The following FES variants were observed in gnomAD, a reference collection of about 807,000 sequenced individuals.
FES encodes FES proto-oncogene, tyrosine kinase.
Under a neutral mutation model 109.6 loss-of-function variants are expected in FES, and 83 were observed. That is an observed-to-expected ratio of 0.76 (90% CI 0.63 to 0.91). The LOEUF (loss-of-function observed/expected upper bound fraction) is 0.91, where lower values mean the gene tolerates loss of function less well. Among genes scored for constraint, FES ranks in the 40% least tolerant of loss-of-function variants. FES has a pLI of 0.00. For missense variants in FES, 943 were observed against 1,070.9 expected (o/e 0.88, Z 1.67); for synonymous variants, 458 against 442.1 (o/e 1.04, Z -0.45).
chr15:90,889,145 T>G lies in FES; in HGVS notation c.669-161T>G. The G allele has an allele frequency of 6.1e-6, 5 of 817,706 alleles. No homozygotes were observed. Among genetic ancestry groups the G allele is most frequent in the Non-Finnish European group, 9.5e-6 (5 of 527,398 alleles). The allele number at this position is 817,706 out of a possible 1,614,324, so 50.7% of individuals were successfully genotyped here. A position where few individuals can be genotyped will look rare whatever the true frequency, so the allele number is the denominator to read the frequency against. ...CTTATATATATCAGGAAATAGAAGA[T>G]TAGGGAGAGGTTAAATAATTTGCCT... On this transcript the variant is annotated intron_variant, in intron 5 of 18. Coordinates refer to ENST00000328850, the MANE Select transcript of FES (RefSeq NM_002005.4). This position sits in a 1 kb window ranked among gnomAD's most constrained non-coding sequence, Gnocchi z 6.1.
At position 90,891,057 on chromosome 15, in the gene FES, C is replaced by G. The variant is rs774122108; in HGVS notation, c.1396C>G (p.Pro466Ala). Residue 466 changes from proline to alanine, a missense_variant, in exon 11 of 19, where the codon CCG becomes GCG. Pro to Ala is a conservative substitution (Grantham distance 27). Transcript: ENST00000328850. ...HEQLWYHGAI[P>A]RAEVAELLVH... Reference sequence around the variant, plus strand: ...GCAGCTGTGGTACCACGGGGCCATCCCGAGGGCAGAGGTGGCTGAGCTGCT... The same window carrying G: ...GCAGCTGTGGTACCACGGGGCCATCGCGAGGGCAGAGGTGGCTGAGCTGCT... 1 of 1,598,934 alleles carries G rather than the reference C, an allele frequency of 6.3e-7. No homozygotes were observed. The highest frequency in any genetic ancestry group is 2.3e-5 in the East Asian group (1 of 44,444).
Position 90,885,093 on chromosome 15 carries a change from G to A in FES, c.48G>A (p.Leu16=), listed in dbSNP as rs1337090511. ...GCAGCCCCCAGGGCCACGGGGTCCT[G>A]CAGCAAATGCAGGAGGCCGAGCTTC... ...ELCSPQGHGV[L]QQMQEAELRL... The change falls in exon 2 of 19, where the codon CTG becomes CTA. Residue 16 remains leucine, a synonymous_variant. Transcript: ENST00000328850. The A allele has an allele frequency of 1.2e-6, 2 of 1,613,606 alleles. No individual in the cohort carries two copies. Among genetic ancestry groups the A allele is most frequent in the Non-Finnish European group, 1.7e-6 (2 of 1,180,008 alleles).
intron 16 of FES, 43 bp from the exon 17 acceptor site, chr15:90,893,611 A>T: frequency 6.5e-7 from 1 of 1,532,212 alleles, no homozygotes; most frequent in Non-Finnish European, 8.8e-7. Flanking sequence ...AGGGCTGGGC[A>T]GGCGACTGTT....
At position 90,889,269 on chromosome 15, in the gene FES, G is replaced by A. The variant is rs558527092; in HGVS notation, c.669-37G>A. On this transcript the variant is annotated intron_variant, in intron 5 of 18. Transcript: ENST00000328850. The surrounding 1 kb of genome is among the most constrained non-coding windows in gnomAD (Gnocchi z 6.1). ...TGAACTGCCCAGCCTTGCCCAGCCT[G>A]AGGCTCCCCTGACTGGGGATCCCGT... The A allele has an allele frequency of 6.2e-7, 1 of 1,609,616 alleles. No homozygotes were observed. The highest frequency in any genetic ancestry group is 8.5e-7 in the Non-Finnish European group (1 of 1,178,360).
At chr15:90,885,351 C>G (rs776516412) in intron 2 of FES, 61 bp from the exon 3 acceptor site, 3 of 1,595,598 alleles carry the variant, frequency 1.9e-6, no homozygotes, top group African/African-American at 2.7e-5. Context: ...GGAGATCTGG[C>G]AGGCCAATGC....
At chr15:90,890,510 C>T (rs760090969) in intron 10 of FES, 26 bp downstream of exon 10, 3 of 1,598,382 alleles carry the variant, frequency 1.9e-6, no homozygotes, top group East Asian at 2.2e-5. Flanking sequence ...CCTGGGCCCC[C>T]CTACTGTTGT....
At position 90,895,632 on chromosome 15, in the gene FES, G is replaced by A; in HGVS notation, c.*74G>A. On this transcript the variant is annotated 3_prime_UTR_variant, in exon 19 of 19. Coordinates refer to ENST00000328850, the MANE Select transcript of FES (RefSeq NM_002005.4). The stretch of plus-strand genomic sequence containing the variant: ...GCTCCTCAGCGGCTCCAGCTCATAT[G>A]CTGACAGCTCTTCACAGTCCTGGAC... 7.4e-7 allele frequency: 1 copy of A among 1,351,554 alleles called. No individual in the cohort carries two copies. Among genetic ancestry groups the A allele is most frequent in the Non-Finnish European group, 9.8e-7 (1 of 1,016,336 alleles). 83.7% of individuals were successfully genotyped at this position (1,351,554 alleles called of 1,614,324 possible). A position where few individuals can be genotyped will look rare whatever the true frequency, so the allele number is the denominator to read the frequency against.
chr15:90,893,004 G>A, intron 14 of FES, 96 bp from the exon 15 acceptor site: 1 of 1,442,814 alleles, frequency 6.9e-7, no homozygotes, highest in Non-Finnish European at 9.5e-7. Flanking sequence ...GTCCGGGTCT[G>A]CTGGCCTTGG....
At position 90,893,344 on chromosome 15, in the gene FES, ACT is replaced by A. The variant is rs2033410193; in HGVS notation, c.1978_1979del (p.Leu660AlafsTer41). ...RTEGARLRVK[T>X]LLQMVGDAAA... The stretch of plus-strand genomic sequence containing the variant: ...GGAGGGGGCCCGCCTGCGGGTGAAG[ACT>A]CTGCTGCAGATGGTGGGGGATGCAG... On this transcript the variant is annotated frameshift_variant, in exon 16 of 19. Coordinates refer to ENST00000328850, the MANE Select transcript of FES (RefSeq NM_002005.4). LOFTEE classifies it high-confidence loss of function. 5 of 1,574,278 alleles carry A rather than the reference ACT, an allele frequency of 3.2e-6. No individual in the cohort carries two copies. Among genetic ancestry groups the A allele is most frequent in the Middle Eastern group, 1.7e-4 (1 of 5,824 alleles).
chr15:90,893,755 C>T lies in FES; in HGVS notation c.2147C>T (p.Ser716Leu). ...REEADGVYAASGGLRQVPVKW... is the reference protein window; with the variant it reads ...REEADGVYAALGGLRQVPVKW... The stretch of plus-strand genomic sequence containing the variant: ...GAAGCCGATGGGGTCTATGCAGCCT[C>T]AGGGGGCCTCAGACAAGTCCCCGTG... Residue 716 changes from serine (S) to leucine (L), a missense_variant, in exon 17 of 19, where the codon TCA (serine) becomes TTA (leucine). Ser to Leu is a moderately radical substitution (Grantham distance 145). Coordinates refer to ENST00000328850, the MANE Select transcript of FES (RefSeq NM_002005.4). 6.2e-7 allele frequency: 1 copy of T among 1,609,410 alleles called. No homozygotes were observed. The highest frequency in any genetic ancestry group is 8.5e-7 in the Non-Finnish European group (1 of 1,177,726).
chr15:90,889,086 C>T lies in FES; in HGVS notation c.669-220C>T. The T allele has an allele frequency of 1.7e-6, 1 of 593,938 alleles. No individual in the cohort carries two copies. The allele number at this position is 593,938 out of a possible 1,614,324, so 36.8% of individuals were successfully genotyped here. A position where few individuals can be genotyped will look rare whatever the true frequency, so the allele number is the denominator to read the frequency against. On this transcript the variant is annotated intron_variant, in intron 5 of 18. Coordinates refer to ENST00000328850, the MANE Select transcript of FES (RefSeq NM_002005.4). The surrounding 1 kb of genome is among the most constrained non-coding windows in gnomAD (Gnocchi z 6.1). ...ATAGGCGTGAGCCACTGTGCCTGGC[C>T]CACTGGATCCTTATTACAACTGCCA... is the stretch of plus-strand genomic sequence containing the variant.
intron 18 of FES, 77 bp downstream of exon 18, chr15:90,894,135 TA>T (rs2151272232): frequency 1.3e-6 from 2 of 1,515,834 alleles, no homozygotes; most frequent in Non-Finnish European, 1.8e-6. Context: ...CTAACTCCCT[TA>T]ATGCCAACCT....
chr15:90,895,338 C>T, intron 18 of FES, 78 bp from the exon 19 acceptor site: 2 of 1,290,918 alleles, frequency 1.5e-6, no homozygotes, highest in Non-Finnish European at 2.1e-6. Flanking sequence ...GCTCCTATGG[C>T]TCATGGTATC....
rs2033351533 is a variant in FES, at chr15:90,892,797, C to G, written c.1798C>G (p.Leu600Val). ...KSCRETLPPD[L>V]KAKFLQEARI... ...TTGTCGAGAGACGCTCCCACCTGAC[C>G]TCAAGGCCAAGTTTCTACAGGAAGC... Residue 600 changes from leucine (L) to valine (V), a missense_variant, in exon 14 of 19, where the codon CTC becomes GTC. Transcript: ENST00000328850. The G allele has an allele frequency of 6.2e-7, 1 of 1,613,800 alleles. No individual in the cohort carries two copies. The highest frequency in any genetic ancestry group is 8.5e-7 in the Non-Finnish European group (1 of 1,179,934).
chr15:90,885,672 ACT>A, intron 3 of FES, 87 bp downstream of exon 3: 1 of 1,507,520 alleles, frequency 6.6e-7, no homozygotes, highest in Non-Finnish European at 8.8e-7. Context: ...CCCTGGATTC[ACT>A]GGGGAAGTGT....
In FES at chr15:90,889,196, A is replaced by C; in HGVS notation, c.669-110A>C. 7.0e-7 allele frequency: 1 copy of C among 1,425,246 alleles called. No individual in the cohort carries two copies. The highest frequency in any genetic ancestry group is 9.5e-7 in the Non-Finnish European group (1 of 1,052,746). The allele number at this position is 1,425,246 out of a possible 1,614,324, so 88.3% of individuals were successfully genotyped here. ...AGAGTGGCATGGCTAGCTCGAAGTGAGGCAGGGGTCAACCCCAGCCCTGAC... is the reference window on the plus strand; with the variant it reads ...AGAGTGGCATGGCTAGCTCGAAGTGCGGCAGGGGTCAACCCCAGCCCTGAC... On this transcript the variant is annotated intron_variant, in intron 5 of 18. Transcript: ENST00000328850. The surrounding 1 kb of genome is among the most constrained non-coding windows in gnomAD (Gnocchi z 6.1).
In FES at chr15:90,885,734, C is replaced by G; in HGVS notation, c.387+149C>G. 3.0e-6 allele frequency: 4 copies of G among 1,347,232 alleles called. No individual in the cohort carries two copies. The African/African-American group carries it at 4.4e-5, about 15-fold the overall frequency. 83.5% of individuals were successfully genotyped at this position (1,347,232 alleles called of 1,614,324 possible). On this transcript the variant is annotated intron_variant, in intron 3 of 18. Transcript: ENST00000328850. ...TGCTCTAACCTTGATGCAGCTTCCT[C>G]TCTTCCTTCCCCTACGTTGAGCTGG...
chr15:90,894,517 G>A lies in FES; in HGVS notation c.2326+459G>A, dbSNP rs192770464. 4.5e-3 allele frequency among the ~76,000 whole-genome samples: 678 copies of A among 152,220 alleles called. 7 individuals carry two copies. The highest frequency in any genetic ancestry group is 7.4e-3 in the Non-Finnish European group (504 of 68,010). On this transcript the variant is annotated intron_variant, in intron 18 of 18. Transcript: ENST00000328850. The stretch of plus-strand genomic sequence containing the variant: ...GGAGAATTGCTTGAACCCAGGAGGC[G>A]GAGGCTGCAGTGAGCCGAGATTGTG...
In FES at chr15:90,889,228, C is replaced by G; in HGVS notation, c.669-78C>G. 1 of 1,566,900 alleles carries G rather than the reference C, an allele frequency of 6.4e-7. No individual in the cohort carries two copies. The stretch of plus-strand genomic sequence containing the variant: ...GGTCAACCCCAGCCCTGACTCCAAA[C>G]CCAGGGTCCTAGGCCTGAACTGCCC... On this transcript the variant is annotated intron_variant, in intron 5 of 18. Transcript: ENST00000328850. This position sits in a 1 kb window ranked among gnomAD's most constrained non-coding sequence, Gnocchi z 6.1.
Sources: gnomAD v4.1 joint callset for allele counts (sites outside exome capture counted in the v4.1 genomes callset) on GRCh38, gnomAD v4.1.1 for gene constraint, Gnocchi (gnomAD v3.1) non-coding constraint, MANE v1.5 for transcripts, NCBI Gene and HGNC (gene_info 2026-07-23, HGNC 2026-07-21) for gene names.